RBFOX1: variants seen among roughly 807,000 people sequenced by gnomAD.
The protein encoded by RBFOX1 is RNA binding protein fox-1 homolog 1.
Under a neutral mutation model 57.7 loss-of-function variants are expected in RBFOX1, and 8 were observed. The ratio of observed to expected loss-of-function variants is 0.14; its 90% confidence interval spans 0.08 to 0.25. RBFOX1 has a LOEUF of 0.25. RBFOX1 is among the 10% of genes least tolerant of loss of function. The probability of loss-of-function intolerance (pLI) is 1.00; values close to 1 mark genes in which losing one functional copy is unlikely to be tolerated. For synonymous variants in RBFOX1, 326 were observed against 222.4 expected (o/e 1.47, Z -4.15); for missense variants, 611 against 548.5 (o/e 1.11, Z -1.14).
At chr16:6,892,754 T>C (rs2065772060) in intron 3 of RBFOX1, among the ~76,000 whole-genome samples, 1 of 145,832 alleles carries the variant, frequency 6.9e-6, no homozygotes, top group Admixed American at 6.8e-5. Context: ...GAAATGCATA[T>C]TCTCAAAGCC....
At chr16:6,876,743 T>G (rs9938245) in intron 3 of RBFOX1, among the ~76,000 whole-genome samples, 118,915 of 151,976 alleles carry the variant, frequency 0.78, 47,548 homozygotes, top group African/African-American at 0.94. Context: ...GTCCCTGCAT[T>G]GTAATTTGTG....
chr16:6,603,472 C>G (rs1382592419), intron 2 of RBFOX1, among the ~76,000 whole-genome samples: 1 of 152,174 alleles, frequency 6.6e-6, no homozygotes, highest in African/African-American at 2.4e-5. Flanking sequence ...AAGAACCTTG[C>G]TCTTGCTTTA....
intron 4 of RBFOX1, among the ~76,000 whole-genome samples, chr16:7,163,911 C>T (rs558034974): frequency 6.6e-6 from 1 of 152,270 alleles, no homozygotes; most frequent in African/African-American, 2.4e-5. Flanking sequence ...CCATCCACTT[C>T]AGCCTCCCAA....
intron 3 of RBFOX1, among the ~76,000 whole-genome samples, chr16:6,979,279 T>G (rs1470687454): frequency 1.3e-5 from 2 of 152,162 alleles, no homozygotes; most frequent in Non-Finnish European, 2.9e-5. Flanking sequence ...TAGAGGATTC[T>G]ATGGGGTCCT....
In RBFOX1 at chr16:7,653,401, G is replaced by A. The variant is rs188775626; in HGVS notation, c.758-414G>A. Among the ~76,000 whole-genome samples, 16 of 152,256 alleles carry A rather than the reference G, an allele frequency of 1.1e-4. No individual in the cohort carries two copies. The East Asian group carries it at 3.1e-3, about 30-fold the overall frequency. On this transcript the variant is annotated intron_variant, in intron 11 of 15. Transcript: ENST00000550418. ...TCTATCTATGGTCCCAGCTACTTGG[G>A]AGGCTGAGGTAGGAGGATCACTTGA...
chr16:6,297,691 A>T (rs1340123409), intron 1 of RBFOX1, among the ~76,000 whole-genome samples: 3 of 152,084 alleles, frequency 2.0e-5, no homozygotes, highest in African/African-American at 7.2e-5. Flanking sequence ...CTATACCCAT[A>T]TAAACCCCAA....
chr16:5,786,524 C>T (rs958436199), intron 3 of RBFOX1, among the ~76,000 whole-genome samples: 2 of 152,096 alleles, frequency 1.3e-5, no homozygotes, highest in Non-Finnish European at 2.9e-5. Context: ...GTTTCTGCCT[C>T]GAGAGGGTTC....
At chr16:6,609,378 T>G (rs1052285673) in intron 2 of RBFOX1, among the ~76,000 whole-genome samples, 1 of 152,134 alleles carries the variant, frequency 6.6e-6, no homozygotes, top group Admixed American at 6.6e-5. Flanking sequence ...AGGGTCTCAC[T>G]CTGTTGTCCA....
At chr16:5,909,206 C>T (rs992249670) in intron 4 of RBFOX1, among the ~76,000 whole-genome samples, 3 of 150,134 alleles carry the variant, frequency 2.0e-5, no homozygotes, top group African/African-American at 7.4e-5. Context: ...CATTCTCCTG[C>T]TTCAGCCTCC....
chr16:7,093,645 T>TA (rs2061229861), intron 4 of RBFOX1, among the ~76,000 whole-genome samples: 1 of 152,176 alleles, frequency 6.6e-6, no homozygotes, highest in Non-Finnish European at 1.5e-5. Context: ...ATTTGTGACT[T>TA]ACATCTTCCC....
chr16:6,519,792 T>C (rs977143909), intron 2 of RBFOX1, among the ~76,000 whole-genome samples: 5 of 152,312 alleles, frequency 3.3e-5, no homozygotes, highest in Middle Eastern at 3.4e-3. Flanking sequence ...CAGTAGACAC[T>C]TTCTTATTTA....
chr16:7,151,326 T>G lies in RBFOX1; in HGVS notation c.27+99228T>G, dbSNP rs867672300. Reference sequence around the variant, plus strand: ...AAACCAAATTCCAACGTATTTAAACTTTATATTTTTTGACAGTGAGATTTA... The same window carrying G: ...AAACCAAATTCCAACGTATTTAAACGTTATATTTTTTGACAGTGAGATTTA... On this transcript the variant is annotated intron_variant, in intron 4 of 15. Transcript: ENST00000550418. Among the ~76,000 whole-genome samples, 3 of 152,316 alleles carry G rather than the reference T, an allele frequency of 2.0e-5. No individual in the cohort carries two copies. In the South Asian group the frequency reaches 6.2e-4, roughly 32 times the overall value.
At chr16:5,703,699 A>G (rs2051136120) in intron 3 of RBFOX1, among the ~76,000 whole-genome samples, 1 of 152,100 alleles carries the variant, frequency 6.6e-6, no homozygotes, top group South Asian at 2.1e-4. Flanking sequence ...TTAAATGGGG[A>G]TAATGTCTTT....
intron 4 of RBFOX1, among the ~76,000 whole-genome samples, chr16:7,299,270 G>T (rs550864638): frequency 6.6e-6 from 1 of 152,170 alleles, no homozygotes; most frequent in South Asian, 2.1e-4. Flanking sequence ...AGTCTTTTAG[G>T]CAAAAGATGG....
rs148736451 is a variant in RBFOX1 at position 5,536,588 on chromosome 16, G to C, written c.259-62314G>C. On this transcript the variant is annotated intron_variant, in intron 2 of 2. Transcript: ENST00000585867. ...AGAAAGCCGATCACTGAGACAATGAGTGTTTCCAGGGACGAAGGGTTTGTT... is the reference window on the plus strand; with the variant it reads ...AGAAAGCCGATCACTGAGACAATGACTGTTTCCAGGGACGAAGGGTTTGTT... 2.5e-3 allele frequency among the ~76,000 whole-genome samples: 385 copies of C among 152,154 alleles called. 3 individuals carry two copies. The highest frequency in any genetic ancestry group is 8.8e-3 in the African/African-American group (365 of 41,522).
At chr16:7,332,660 GTC>G in intron 4 of RBFOX1, 17 of 626,954 alleles carry the variant, frequency 2.7e-5, no homozygotes, top group South Asian at 9.3e-5. Context: ...TGGTCTCTTG[GTC>G]TCTCTCTCTG....
At chr16:6,749,340 C>T (rs375622302) in intron 3 of RBFOX1, among the ~76,000 whole-genome samples, 37 of 152,294 alleles carry the variant, frequency 2.4e-4, no homozygotes, top group East Asian at 2.3e-3. Context: ...TTCCACACAG[C>T]GCCTGGTTCA....
intron 4 of RBFOX1, among the ~76,000 whole-genome samples, chr16:5,921,690 G>C (rs1438036793): frequency 6.6e-6 from 1 of 152,118 alleles, no homozygotes; most frequent in Non-Finnish European, 1.5e-5. Context: ...GGTTTAATTG[G>C]CTAATGGTTC....
chr16:5,985,633 C>T (rs1384919399), intron 4 of RBFOX1, among the ~76,000 whole-genome samples: 1 of 152,182 alleles, frequency 6.6e-6, no homozygotes, highest in South Asian at 2.1e-4. Context: ...GAGCACCTGC[C>T]TTTTCTGGGA....
Sources: gnomAD v4.1 joint callset for allele counts (sites outside exome capture counted in the v4.1 genomes callset) on GRCh38, gnomAD v4.1.1 for gene constraint, MANE v1.5 for transcripts, NCBI Gene and HGNC (gene_info 2026-07-23, HGNC 2026-07-21) for gene names.